PNPLA7: variants seen among roughly 807,000 people sequenced by gnomAD.
The protein encoded by PNPLA7 is patatin like domain 7, lysophospholipase.
In PNPLA7, 153 loss-of-function variants were observed where a neutral mutation model predicts 161.7. The observed-to-expected ratio is 0.95, with a 90% CI of 0.83 to 1.08. The LOEUF is 1.08. Ranked by LOEUF, PNPLA7 falls within the 50% of genes least tolerant of loss-of-function variation. The pLI, the probability that PNPLA7 is intolerant of heterozygous loss-of-function variation, is 0.00. For missense variants in PNPLA7, 1,739 were observed against 1,856.6 expected (o/e 0.94, Z 1.16); for synonymous variants, 809 against 782.1 (o/e 1.03, Z -0.57).
At chr9:137,477,397 G>C (rs1436652943) in intron 25 of PNPLA7, among the ~76,000 whole-genome samples, 1 of 152,162 alleles carries the variant, frequency 6.6e-6, no homozygotes, top group Admixed American at 6.5e-5. Context: ...GGAAAGACCG[G>C]CTAAGGAAAG....
At chr9:137,496,062 C>A (rs1188471344) in intron 18 of PNPLA7, among the ~76,000 whole-genome samples, 1 of 152,132 alleles carries the variant, frequency 6.6e-6, no homozygotes, top group Non-Finnish European at 1.5e-5. Context: ...TGCCTGAAGG[C>A]CACGCTGTCC....
chr9:137,484,876 T>C, intron 20 of PNPLA7, 140 bp from the exon 21 acceptor site: 1 of 1,034,780 alleles, frequency 9.7e-7, no homozygotes, highest in Non-Finnish European at 1.4e-6. Flanking sequence ...TCCCCAGTCC[T>C]GAGGCTGCCT....
intron 30 of PNPLA7, 74 bp downstream of exon 30, chr9:137,462,611 C>T: frequency 1.9e-5 from 30 of 1,558,332 alleles, no homozygotes; most frequent in Non-Finnish European, 2.6e-5. Flanking sequence ...ACCCCCACTC[C>T]CCTGCCGCAG....
At chr9:137,481,764 C>T (rs1196547527) in intron 21 of PNPLA7, among the ~76,000 whole-genome samples, 1 of 152,122 alleles carries the variant, frequency 6.6e-6, no homozygotes. Context: ...GGTGAAACTC[C>T]ATCTCTACTA....
chr9:137,545,056 G>A (rs76753853), intron 4 of PNPLA7, among the ~76,000 whole-genome samples: 1 of 152,130 alleles, frequency 6.6e-6, no homozygotes, highest in Non-Finnish European at 1.5e-5. Context: ...AAGCTTCTGG[G>A]TGGTCTGTTG....
intron 11 of PNPLA7, among the ~76,000 whole-genome samples, chr9:137,518,231 A>G (rs1588663675): frequency 2.8e-5 from 3 of 105,854 alleles, no homozygotes; most frequent in African/African-American, 8.4e-5. Flanking sequence ...CCACTCACTC[A>G]CTCCACTCTG....
chr9:137,506,505 T>C (rs1334609344), intron 12 of PNPLA7, among the ~76,000 whole-genome samples: 1 of 152,186 alleles, frequency 6.6e-6, no homozygotes, highest in East Asian at 1.9e-4. Context: ...GCCCTCTGTA[T>C]GTGAGCTCCC....
intron 4 of PNPLA7, among the ~76,000 whole-genome samples, chr9:137,545,612 T>A (rs1386505556): frequency 1.3e-5 from 2 of 152,246 alleles, no homozygotes; most frequent in African/African-American, 2.4e-5. Context: ...ATCTTAGATA[T>A]GATTATATAT....
chr9:137,493,038 G>T lies in PNPLA7; in HGVS notation c.2172C>A (p.Gly724=), dbSNP rs1832857478. The T allele has an allele frequency of 6.2e-7, 1 of 1,613,826 alleles. No homozygotes were observed. Among genetic ancestry groups the T allele is most frequent in the Non-Finnish European group, 8.5e-7 (1 of 1,179,998 alleles). The change falls in exon 20 of 35, where the codon GGC becomes GGA. Residue 724 remains glycine, a synonymous_variant. Coordinates refer to ENST00000406427, the MANE Select transcript of PNPLA7 (RefSeq NM_001098537.3). ...LIHLLGEKIL[G]SLQQGPVTGH... is the part of the protein sequence containing the mutation. ...CTGTCACAGGTCCCTGCTGGAGGCT[G>T]CCCAGGATCTTCTCACCCAAGAGAT...
chr9:137,500,603 G>A lies in PNPLA7; in HGVS notation c.1757+88C>T. 8.2e-7 allele frequency: 1 copy of A among 1,225,848 alleles called. No homozygotes were observed. Among genetic ancestry groups the A allele is most frequent in the Non-Finnish European group, 1.2e-6 (1 of 862,360 alleles). The allele number at this position is 1,225,848 out of a possible 1,614,324, so 75.9% of individuals were successfully genotyped here. ...CCGAGAAGCAGGGAAGAGGGTGAGAGCACCAGGAAGAGGCCGGCCACGCGG... is the reference window on the plus strand; with the variant it reads ...CCGAGAAGCAGGGAAGAGGGTGAGAACACCAGGAAGAGGCCGGCCACGCGG... On this transcript the variant is annotated intron_variant, in intron 16 of 34. Transcript: ENST00000406427. This position sits in a 1 kb window ranked among gnomAD's most constrained non-coding sequence, Gnocchi z 5.5.
intron 17 of PNPLA7, 134 bp from the exon 18 acceptor site, chr9:137,497,444 A>T: frequency 1.1e-6 from 1 of 869,854 alleles, no homozygotes; most frequent in Non-Finnish European, 1.5e-6. Flanking sequence ...TTTGTTTTGG[A>T]AAACATATTT....
At position 137,497,222 on chromosome 9, in the gene PNPLA7, C is replaced by T. The variant is rs1474284606; in HGVS notation, c.1978G>A (p.Ala660Thr). ...AGGTCTCCTCGGCCGTACTCCCCGG[C>T]CAGGCGCTTCTTCCCATCATCCTTC... ...IRKDDGKKRL[A>T]GEYGRGDLVG... Residue 660 changes from alanine (A) to threonine (T), a missense_variant, in exon 18 of 35, where the codon GCC becomes ACC. Ala to Thr is a moderately conservative substitution (Grantham distance 58). This residue lies in a region of PNPLA7 where 481 missense variants were observed against 450.0 expected (regional missense o/e 1.07). Transcript: ENST00000406427. 6.3e-7 allele frequency: 1 copy of T among 1,588,366 alleles called. No homozygotes were observed. The highest frequency in any genetic ancestry group is 8.6e-7 in the Non-Finnish European group (1 of 1,168,738).
intron 25 of PNPLA7, among the ~76,000 whole-genome samples, chr9:137,473,693 T>C (rs1422169453): frequency 2.6e-5 from 4 of 152,218 alleles, no homozygotes; most frequent in Non-Finnish European, 4.4e-5. Context: ...AGCAAGCTCA[T>C]GAACAGGTGT....
intron 8 of PNPLA7, among the ~76,000 whole-genome samples, chr9:137,539,738 T>C (rs944908413): frequency 6.6e-6 from 1 of 152,210 alleles, no homozygotes; most frequent in African/African-American, 2.4e-5. Context: ...TGTCTCATAA[T>C]AAAAAGTTAA....
rs1835191876 is a variant in PNPLA7 at position 137,524,349 on chromosome 9, C to T, written c.748-1492G>A. ...CGTCCATTCAGCAGTCGAGATTCCC[C>T]CACGGTGGCGCGTCTGCCAGAGGCC... is the stretch of plus-strand genomic sequence containing the variant. On this transcript the variant is annotated intron_variant, in intron 8 of 34. Coordinates refer to ENST00000406427, the MANE Select transcript of PNPLA7 (RefSeq NM_001098537.3). This position sits in a 1 kb window ranked among gnomAD's most constrained non-coding sequence, Gnocchi z 4.4. Among the ~76,000 whole-genome samples the T allele has an allele frequency of 6.6e-6, 1 of 150,906 alleles. No individual in the cohort carries two copies. The highest frequency in any genetic ancestry group is 1.5e-5 in the Non-Finnish European group (1 of 67,670).
At chr9:137,498,042 T>C (rs4962232) in intron 17 of PNPLA7, 72 bp downstream of exon 17, 811,191 of 1,566,442 alleles carry the variant, frequency 0.52, 212,312 homozygotes, top group East Asian at 0.66. Flanking sequence ...ACGGTAACCG[T>C]GCTTTGCCCA....
rs200124849 is a variant in PNPLA7, at chr9:137,462,669, C to T, written c.3492+16G>A. 8 of 1,612,660 alleles carry T rather than the reference C, an allele frequency of 5.0e-6. No individual in the cohort carries two copies. The East Asian group carries it at 1.6e-4, about 31-fold the overall frequency. On this transcript the variant is annotated intron_variant, in intron 30 of 34. Coordinates refer to ENST00000406427, the MANE Select transcript of PNPLA7 (RefSeq NM_001098537.3). ...GGAGCAGCAGGGACAGCCCAGCCTG[C>T]CCGGTAGCACCCCACCTTGACTTTC...
At chr9:137,539,438 G>A (rs1199145223) in intron 8 of PNPLA7, among the ~76,000 whole-genome samples, 2 of 152,234 alleles carry the variant, frequency 1.3e-5, no homozygotes, top group African/African-American at 2.4e-5. Context: ...TTGGGAGGCT[G>A]AGGTAGGCAG....
At position 137,518,434 on chromosome 9, in the gene PNPLA7, G is replaced by C. The variant is rs868674425; in HGVS notation, c.1084+1483C>G. 4.4e-3 allele frequency among the ~76,000 whole-genome samples: 60 copies of C among 13,530 alleles called. 1 individual carries two copies. The highest frequency in any genetic ancestry group is 0.018 in the African/African-American group (41 of 2,234). 8.9% of individuals were successfully genotyped at this position (13,530 alleles called of 152,430 possible). On this transcript the variant is annotated intron_variant, in intron 11 of 34. Transcript: ENST00000406427. ...CTGCTCACTCCATCCCCCACTCACTGACTCCACTCCATCCCCCACTCACTC... is the reference window on the plus strand; with the variant it reads ...CTGCTCACTCCATCCCCCACTCACTCACTCCACTCCATCCCCCACTCACTC...
Sources: allele counts gnomAD v4.1 joint callset (sites outside exome capture counted in the v4.1 genomes callset), GRCh38; gene constraint gnomAD v4.1.1; regional missense constraint gnomAD v4.1.1; non-coding constraint Gnocchi (gnomAD v3.1); transcripts MANE v1.5; gene names NCBI Gene and HGNC (gene_info 2026-07-23, HGNC 2026-07-21).